The following GSR variants were observed in gnomAD, a reference collection of about 807,000 sequenced individuals.
GSR encodes the protein glutathione reductase, mitochondrial.
GSR carries 48 observed loss-of-function variants against 56.5 expected under a neutral mutation model. That is an observed-to-expected ratio of 0.85 (90% CI 0.67 to 1.08). The LOEUF (loss-of-function observed/expected upper bound fraction) is 1.08, where lower values mean the gene tolerates loss of function less well. Ranked by LOEUF, GSR falls within the 50% of genes least tolerant of loss-of-function variation. The pLI, the probability that GSR is intolerant of heterozygous loss-of-function variation, is 0.00. For synonymous variants in GSR, 264 were observed against 270.8 expected (o/e 0.97, Z 0.25); for missense variants, 694 against 703.3 (o/e 0.99, Z 0.15).
At chr8:30,725,933 C>T (rs1804710951) in intron 1 of GSR, among the ~76,000 whole-genome samples, 2 of 151,024 alleles carry the variant, frequency 1.3e-5, no homozygotes, top group South Asian at 4.2e-4. Flanking sequence ...GTGGGTGAAC[C>T]TCTGAAGCAC....
At chr8:30,687,848 C>T (rs1156960934) in intron 9 of GSR, among the ~76,000 whole-genome samples, 10 of 152,074 alleles carry the variant, frequency 6.6e-5, no homozygotes, top group African/African-American at 2.2e-4. Flanking sequence ...TTTGCATGCA[C>T]TTTTTCATTT....
At chr8:30,698,327 A>T (rs1803617730) in intron 6 of GSR, among the ~76,000 whole-genome samples, 1 of 152,202 alleles carries the variant, frequency 6.6e-6, no homozygotes, top group Admixed American at 6.6e-5. Flanking sequence ...TTATAATGAA[A>T]CTTCTTTGAG....
Position 30,709,920 on chromosome 8 carries a change from A to AAG in GSR, c.334-19_334-18insCT. ...CACATTACCTGTAAAAAAAAAAAAAAAAAAGGATCCAAAACAGCAGTAAAT... is the reference window on the plus strand; with the variant it reads ...CACATTACCTGTAAAAAAAAAAAAAAAGAAAAGGATCCAAAACAGCAGTAAAT... On this transcript the variant is annotated intron_variant, in intron 2 of 12. Coordinates refer to ENST00000221130, the MANE Select transcript of GSR (RefSeq NM_000637.5). 1 of 1,436,278 alleles carries AAG rather than the reference A, an allele frequency of 7.0e-7. No individual in the cohort carries two copies. Among genetic ancestry groups the AAG allele is most frequent in the Non-Finnish European group, 9.7e-7 (1 of 1,028,450 alleles). 89.0% of individuals were successfully genotyped at this position (1,436,278 alleles called of 1,614,324 possible). A position where few individuals can be genotyped will look rare whatever the true frequency, so the allele number is the denominator to read the frequency against.
intron 6 of GSR, among the ~76,000 whole-genome samples, chr8:30,699,477 ACT>A (rs1025845701): frequency 2.7e-5 from 4 of 150,564 alleles, no homozygotes; most frequent in Non-Finnish European, 4.4e-5. Flanking sequence ...GCGTGGTGGC[ACT>A]CTCTCTCTCT....
intron 1 of GSR, among the ~76,000 whole-genome samples, chr8:30,718,696 C>G (rs2911669): frequency 0.77 from 116,867 of 152,022 alleles, 49,281 homozygotes; most frequent in Non-Finnish European, 0.94. Context: ...CAGCATACAA[C>G]ACTGGCAGAT....
chr8:30,702,632 T>C (rs73578861), intron 5 of GSR, among the ~76,000 whole-genome samples: 48 of 152,230 alleles, frequency 3.2e-4, no homozygotes, highest in African/African-American at 9.9e-4. Context: ...CTGCAATATG[T>C]CTGAGCCTGG....
chr8:30,721,417 A>C (rs1804530398), intron 1 of GSR, among the ~76,000 whole-genome samples: 1 of 152,142 alleles, frequency 6.6e-6, no homozygotes, highest in Non-Finnish European at 1.5e-5. Flanking sequence ...TTGGGAGGCC[A>C]AGGTGGGCGG....
At chr8:30,689,860 TTTATATATAAATATATGTATA>T (rs1184205821) in intron 8 of GSR, among the ~76,000 whole-genome samples, 2 of 142,338 alleles carry the variant, frequency 1.4e-5, no homozygotes, top group Admixed American at 7.4e-5. Context: ...TATAAATATA[TTTATATATAAATATATGTATA>T]TTATATATAA....
intron 1 of GSR, among the ~76,000 whole-genome samples, chr8:30,716,988 A>C (rs1324483626): frequency 6.6e-6 from 1 of 151,992 alleles, no homozygotes; most frequent in East Asian, 1.9e-4. Flanking sequence ...CTGTAATCCC[A>C]GCACTTCGGG....
intron 9 of GSR, 46 bp from the exon 10 acceptor site, chr8:30,684,245 A>G (rs751189037): frequency 7.6e-6 from 8 of 1,058,898 alleles, no homozygotes; most frequent in Non-Finnish European, 1.0e-5. Context: ...CCCACCTACT[A>G]AAAAAGGTAG....
intron 5 of GSR, among the ~76,000 whole-genome samples, chr8:30,701,600 G>C (rs912204777): frequency 6.6e-6 from 1 of 151,084 alleles, no homozygotes; most frequent in Non-Finnish European, 1.5e-5. Context: ...GACTGGCCTG[G>C]ACAACGTGGC....
chr8:30,680,881 T>A, intron 12 of GSR, 23 bp downstream of exon 12: 1 of 1,609,978 alleles, frequency 6.2e-7, no homozygotes, highest in Non-Finnish European at 8.5e-7. Context: ...AGGCACTATT[T>A]AGTTTGCTGG....
chr8:30,727,302 G>A (rs1002185946), intron 1 of GSR, among the ~76,000 whole-genome samples: 7 of 152,162 alleles, frequency 4.6e-5, no homozygotes, highest in South Asian at 2.1e-4. Flanking sequence ...TATCGCATCC[G>A]TGCGGAAGCA....
intron 1 of GSR, chr8:30,727,158 T>TAC (rs1804755181): frequency 4.7e-6 from 1 of 214,874 alleles, no homozygotes; most frequent in Admixed American, 6.0e-5. Flanking sequence ...CCCTCGTCCC[T>TAC]ACACACAGGC....
chr8:30,696,247 C>G, intron 7 of GSR, 133 bp downstream of exon 7: 1 of 746,746 alleles, frequency 1.3e-6, no homozygotes, highest in East Asian at 2.6e-5. Context: ...AACTTGGATA[C>G]AGCACCATAT....
At chr8:30,692,868 G>C in intron 8 of GSR, 101 bp downstream of exon 8, 1 of 779,116 alleles carries the variant, frequency 1.3e-6, no homozygotes, top group Non-Finnish European at 2.3e-6. Context: ...TATGGACCGG[G>C]GTAGACATAG....
At chr8:30,709,957 GA>G in intron 2 of GSR, 55 bp from the exon 3 acceptor site, 3 of 935,210 alleles carry the variant, frequency 3.2e-6, no homozygotes, top group Non-Finnish European at 5.0e-6. Context: ...AGTCCTGAGG[GA>G]AAAAAGGAAT....
chr8:30,707,792 T>TA (rs1255749724), intron 4 of GSR, among the ~76,000 whole-genome samples: 2 of 151,808 alleles, frequency 1.3e-5, no homozygotes, highest in African/African-American at 4.8e-5. Context: ...CTGTTTCTAC[T>TA]AAAAAAATAC....
chr8:30,685,111 C>T (rs8191019), intron 9 of GSR, among the ~76,000 whole-genome samples: 34,477 of 151,670 alleles, frequency 0.23, 4,041 homozygotes, highest in East Asian at 0.31. Flanking sequence ...AGGTGCCCGC[C>T]GCCACACCCA....
Sources: gnomAD v4.1 joint callset for allele counts (sites outside exome capture counted in the v4.1 genomes callset) on GRCh38, gnomAD v4.1.1 for gene constraint, MANE v1.5 for transcripts, NCBI Gene and HGNC (gene_info 2026-07-23, HGNC 2026-07-21) for gene names.